The following TINAG variants were observed in gnomAD, a reference collection of about 807,000 sequenced individuals.
TINAG encodes tubulointerstitial nephritis antigen.
In TINAG, 83 loss-of-function variants were observed where a neutral mutation model predicts 72.7. The ratio of observed to expected loss-of-function variants is 1.14; its 90% confidence interval spans 0.96 to 1.37. The LOEUF (loss-of-function observed/expected upper bound fraction) is 1.37, where lower values mean the gene tolerates loss of function less well. TINAG is among the 40% of genes most tolerant of loss of function. The probability of loss-of-function intolerance (pLI) is 0.00; values close to 1 mark genes in which losing one functional copy is unlikely to be tolerated. For missense variants in TINAG, 685 were observed against 576.6 expected (o/e 1.19, Z -1.93); for synonymous variants, 234 against 189.9 (o/e 1.23, Z -1.91).
At chr6:54,377,212 A>C (rs1420155424) in intron 9 of TINAG, among the ~76,000 whole-genome samples, 2 of 152,132 alleles carry the variant, frequency 1.3e-5, no homozygotes, top group Non-Finnish European at 2.9e-5. Flanking sequence ...TCACAAAGGT[A>C]TAGAAATAAC....
intron 4 of TINAG, among the ~76,000 whole-genome samples, chr6:54,332,383 A>C (rs1446137624): frequency 6.6e-6 from 1 of 152,220 alleles, no homozygotes; most frequent in Non-Finnish European, 1.5e-5. Flanking sequence ...TTCCCTATTT[A>C]ATAAATGGTG....
chr6:54,310,812 C>A (rs184201537), intron 1 of TINAG, among the ~76,000 whole-genome samples: 7 of 142,464 alleles, frequency 4.9e-5, no homozygotes, highest in African/African-American at 1.9e-4. Flanking sequence ...CTCTCTTTCT[C>A]TCCCTCTTTC....
chr6:54,341,613 A>G (rs1048522906), intron 4 of TINAG, among the ~76,000 whole-genome samples: 1 of 152,218 alleles, frequency 6.6e-6, no homozygotes. Flanking sequence ...CTTTTCAAGC[A>G]GACTTGTAAA....
intron 9 of TINAG, among the ~76,000 whole-genome samples, chr6:54,364,372 T>C (rs1042509506): frequency 6.6e-6 from 1 of 151,360 alleles, no homozygotes; most frequent in East Asian, 1.9e-4. Flanking sequence ...AACTCAAAGA[T>C]TGATATGTTA....
At chr6:54,380,939 A>G (rs1763927473) in intron 10 of TINAG, among the ~76,000 whole-genome samples, 1 of 148,880 alleles carries the variant, frequency 6.7e-6, no homozygotes, top group African/African-American at 2.5e-5. Context: ...TCATATATAT[A>G]CATATATATG....
intron 9 of TINAG, among the ~76,000 whole-genome samples, chr6:54,362,556 G>A (rs1763272544): frequency 1.3e-5 from 2 of 151,626 alleles, no homozygotes; most frequent in Non-Finnish European, 3.0e-5. Context: ...AGATGTACAA[G>A]GAGATTAATG....
At chr6:54,370,795 C>A (rs769577098) in intron 9 of TINAG, among the ~76,000 whole-genome samples, 1 of 151,924 alleles carries the variant, frequency 6.6e-6, no homozygotes, top group Non-Finnish European at 1.5e-5. Context: ...GTTTTCAGTG[C>A]TGATTGAATC....
chr6:54,320,480 A>G (rs1326864660), intron 1 of TINAG, 99 bp from the exon 2 acceptor site: 23 of 989,942 alleles, frequency 2.3e-5, no homozygotes, highest in Non-Finnish European at 3.1e-5. Flanking sequence ...ACATGTCTGC[A>G]TATTTGAAAA....
intron 4 of TINAG, among the ~76,000 whole-genome samples, chr6:54,328,530 A>T (rs548441474): frequency 6.6e-6 from 1 of 152,312 alleles, no homozygotes; most frequent in Non-Finnish European, 1.5e-5. Context: ...GCACAAAAAA[A>T]GCTGAAAATT....
intron 9 of TINAG, among the ~76,000 whole-genome samples, chr6:54,378,707 C>T (rs539890461): frequency 3.9e-5 from 6 of 152,210 alleles, no homozygotes; most frequent in Admixed American, 2.0e-4. Context: ...TCTGAAGTGC[C>T]TCTTCTCCTT....
intron 9 of TINAG, among the ~76,000 whole-genome samples, chr6:54,371,260 G>A (rs963408038): frequency 2.0e-5 from 3 of 151,908 alleles, no homozygotes; most frequent in African/African-American, 4.8e-5. Context: ...TCAAATGCTA[G>A]TTCTGTCCTC....
chr6:54,317,401 G>T (rs192675926), intron 1 of TINAG, among the ~76,000 whole-genome samples: 1 of 152,094 alleles, frequency 6.6e-6, no homozygotes. Context: ...ACGGGGACAG[G>T]TTTTTCCCAT....
intron 9 of TINAG, among the ~76,000 whole-genome samples, chr6:54,358,156 G>T (rs147294668): frequency 6.6e-6 from 1 of 151,666 alleles, no homozygotes; most frequent in South Asian, 2.1e-4. Flanking sequence ...CTCTGGTCAG[G>T]TCTCACCTTC....
chr6:54,381,038 T>C (rs1161363645), intron 10 of TINAG, among the ~76,000 whole-genome samples: 7 of 148,554 alleles, frequency 4.7e-5, no homozygotes, highest in African/African-American at 9.8e-5. Context: ...TTGATGCTTA[T>C]GTTAGTATCA....
chr6:54,360,419 A>G (rs1398865793), intron 9 of TINAG, among the ~76,000 whole-genome samples: 4 of 151,684 alleles, frequency 2.6e-5, no homozygotes, highest in African/African-American at 9.7e-5. Flanking sequence ...ATGAATCCCA[A>G]TTTTAGAGAT....
At chr6:54,327,328 C>T (rs1468853762) in intron 4 of TINAG, 3 of 701,888 alleles carry the variant, frequency 4.3e-6, no homozygotes, top group Non-Finnish European at 6.1e-6. Flanking sequence ...AGGATGTCAC[C>T]TCACCCAGGA....
At chr6:54,340,592 A>G (rs1041122006) in intron 4 of TINAG, among the ~76,000 whole-genome samples, 1 of 152,166 alleles carries the variant, frequency 6.6e-6, no homozygotes. Flanking sequence ...ATTAGCTGAT[A>G]TCATGAGGCA....
intron 10 of TINAG, among the ~76,000 whole-genome samples, chr6:54,389,227 C>T (rs574177396): frequency 6.6e-6 from 1 of 152,276 alleles, no homozygotes; most frequent in South Asian, 2.1e-4. Context: ...CTCCCTTCCT[C>T]CTTTTACATT....
At chr6:54,341,109 T>C (rs761582015) in intron 4 of TINAG, among the ~76,000 whole-genome samples, 2 of 152,156 alleles carry the variant, frequency 1.3e-5, no homozygotes, top group Non-Finnish European at 2.9e-5. Flanking sequence ...TGTCATTAAG[T>C]TGAAATTTTA....
Sources: allele counts gnomAD v4.1 joint callset (sites outside exome capture counted in the v4.1 genomes callset), GRCh38; gene constraint gnomAD v4.1.1; transcripts MANE v1.5; gene names NCBI Gene and HGNC (gene_info 2026-07-23, HGNC 2026-07-21).